C11orf42: variants seen among roughly 807,000 people sequenced by gnomAD.
C11orf42 encodes the protein chromosome 11 open reading frame 42, also known as uncharacterized protein C11orf42.
In C11orf42, 24 loss-of-function variants were observed where a neutral mutation model predicts 27.9. The observed-to-expected ratio is 0.86, with a 90% confidence interval of 0.62 to 1.21. The LOEUF (loss-of-function observed/expected upper bound fraction) is 1.21. Ranked by LOEUF, C11orf42 falls within the 50% of genes most tolerant of loss-of-function variation. The probability of loss-of-function intolerance (pLI) is 0.00; values close to 1 mark genes in which losing one functional copy is unlikely to be tolerated. For synonymous variants in C11orf42, 187 were observed against 180.8 expected (o/e 1.03, Z -0.28); for missense variants, 455 against 424.1 (o/e 1.07, Z -0.64).
chr11:6,206,146 A>T (rs2133761188), intron 1 of C11orf42, among the ~76,000 whole-genome samples: 1 of 152,316 alleles, frequency 6.6e-6, no homozygotes, highest in Middle Eastern at 3.4e-3. Context: ...AAAAACAAGG[A>T]GAGGAAAAAG....
intron 1 of C11orf42, among the ~76,000 whole-genome samples, chr11:6,208,300 T>C (rs1847002364): frequency 6.6e-6 from 1 of 152,120 alleles, no homozygotes; most frequent in South Asian, 2.1e-4. Flanking sequence ...CTACAAGAAC[T>C]ACCCCTTGCA....
rs146108977 is a variant in C11orf42 at position 6,211,036 on chromosome 11, C to T, written c.996C>T (p.Asp332=). The T allele has an allele frequency of 2.7e-5, 43 of 1,610,430 alleles. No homozygotes were observed. The Middle Eastern group carries it at 9.9e-4, about 37-fold the overall frequency. The change falls in exon 3 of 3, where the codon GAC becomes GAT. Residue 332 remains aspartate (D), a synonymous_variant. Coordinates refer to ENST00000316375, the MANE Select transcript of C11orf42 (RefSeq NM_173525.3). ...LQGLSSEFDS[D]D Reference sequence around the variant, plus strand: ...GTCTATCCTCAGAGTTCGACAGTGACGACTGAAGCTGAAGCAAAAGATTCC... The same window carrying T: ...GTCTATCCTCAGAGTTCGACAGTGATGACTGAAGCTGAAGCAAAAGATTCC...
intron 1 of C11orf42, among the ~76,000 whole-genome samples, chr11:6,209,147 G>A (rs576093970): frequency 5.1e-4 from 73 of 142,150 alleles, no homozygotes; most frequent in African/African-American, 1.8e-3. Flanking sequence ...CTGTACTCCA[G>A]CCTAGGCGAC....
intron 1 of C11orf42, among the ~76,000 whole-genome samples, chr11:6,206,977 A>C (rs1165348811): frequency 6.6e-6 from 1 of 152,226 alleles, no homozygotes; most frequent in Admixed American, 6.5e-5. Context: ...TTTACTGAAC[A>C]TATGGTAAAA....
chr11:6,205,769 G>A, intron 1 of C11orf42, 82 bp downstream of exon 1: 1 of 1,144,270 alleles, frequency 8.7e-7, no homozygotes, highest in Non-Finnish European at 1.3e-6. Context: ...AGGAAGGGGT[G>A]GGAAGTCTGA....
intron 1 of C11orf42, among the ~76,000 whole-genome samples, chr11:6,207,669 G>A (rs1351962261): frequency 1.3e-5 from 2 of 152,214 alleles, no homozygotes; most frequent in African/African-American, 4.8e-5. Context: ...GAGAAGGAAT[G>A]ATGGGAAACT....
chr11:6,210,137 C>A lies in C11orf42; in HGVS notation c.360C>A (p.Pro120=). 1 of 1,614,214 alleles carries A rather than the reference C, an allele frequency of 6.2e-7. No homozygotes were observed. The highest frequency in any genetic ancestry group is 8.5e-7 in the Non-Finnish European group (1 of 1,180,042). Reference sequence around the variant, plus strand: ...AGACGCGAATGTTGGATGGACAGCCCTGCAAGATCCGCCTACATATGGGTG... The same window carrying A: ...AGACGCGAATGTTGGATGGACAGCCATGCAAGATCCGCCTACATATGGGTG... ...YEETRMLDGQ[P]CKIRLHMGDL... Residue 120 remains proline (P), a synonymous_variant, in exon 2 of 3, where the codon CCC becomes CCA. Transcript: ENST00000316375. This position sits in a 1 kb window ranked among gnomAD's most constrained non-coding sequence, Gnocchi z 4.0.
At position 6,210,090 on chromosome 11, in the gene C11orf42, C is replaced by G; in HGVS notation, c.313C>G (p.Arg105Gly). 1 of 1,614,178 alleles carries G rather than the reference C, an allele frequency of 6.2e-7. No homozygotes were observed. The highest frequency in any genetic ancestry group is 2.2e-5 in the East Asian group (1 of 44,886). ...CACTCGGGAATACTCACCAAATGGC[C>G]GAGCAGAGAGAGCCTATGAAGAGAC... ...HCTREYSPNG[R>G]AERAYEETRM... is the part of the protein sequence containing the mutation. Residue 105 changes from arginine to glycine, a missense_variant, in exon 2 of 3, where the codon CGA (arginine) becomes GGA (glycine). Arg to Gly is a moderately radical substitution (Grantham distance 125). Coordinates refer to ENST00000316375, the MANE Select transcript of C11orf42 (RefSeq NM_173525.3). This position sits in a 1 kb window ranked among gnomAD's most constrained non-coding sequence, Gnocchi z 4.0.
Position 6,210,048 on chromosome 11 carries a change from G to A in C11orf42, c.271G>A (p.Gly91Ser). 6.2e-7 allele frequency: 1 copy of A among 1,614,232 alleles called. No homozygotes were observed. The highest frequency in any genetic ancestry group is 8.5e-7 in the Non-Finnish European group (1 of 1,180,050). ...PSLLEQAGSE[G>S]AFAHCTREYS... is the part of the protein sequence containing the mutation. ...CCTCCTGGAGCAGGCAGGATCTGAG[G>A]GTGCCTTCGCCCACTGCACTCGGGA... is the stretch of plus-strand genomic sequence containing the variant. Residue 91 changes from glycine to serine, a missense_variant, in exon 2 of 3, where the codon GGT (glycine) becomes AGT (serine). Gly to Ser is a moderately conservative substitution (Grantham distance 56). Transcript: ENST00000316375. The surrounding 1 kb of genome is among the most constrained non-coding windows in gnomAD (Gnocchi z 4.0).
At position 6,210,592 on chromosome 11, in the gene C11orf42, C is replaced by A; in HGVS notation, c.815C>A (p.Thr272Asn). The A allele has an allele frequency of 1.2e-6, 2 of 1,614,154 alleles. No individual in the cohort carries two copies. The highest frequency in any genetic ancestry group is 1.7e-6 in the Non-Finnish European group (2 of 1,180,022). Residue 272 changes from threonine to asparagine, a missense_variant, in exon 2 of 3, where the codon ACC becomes AAC. Transcript: ENST00000316375. The surrounding 1 kb of genome is among the most constrained non-coding windows in gnomAD (Gnocchi z 4.0). ...CAGGAAGGGCCAGAGGACAAACCCA[C>A]CAGATTCTCCTACAAGGGCCGAAAC... ...PPQEGPEDKP[T>N]RFSYKGRNPF...
chr11:6,209,103 G>C (rs949332570), intron 1 of C11orf42, among the ~76,000 whole-genome samples: 1 of 149,356 alleles, frequency 6.7e-6, no homozygotes, highest in Non-Finnish European at 1.5e-5. Flanking sequence ...TTGAACCCAG[G>C]AGGCAGAGGT....
intron 1 of C11orf42, among the ~76,000 whole-genome samples, chr11:6,208,181 G>GAAACAAAC (rs200016275): frequency 3.3e-5 from 5 of 151,528 alleles, no homozygotes; most frequent in African/African-American, 1.2e-4. Flanking sequence ...AGGCCATGAT[G>GAAACAAAC]AAACAAACAA....
At chr11:6,207,962 C>T (rs1328387212) in intron 1 of C11orf42, among the ~76,000 whole-genome samples, 1 of 152,136 alleles carries the variant, frequency 6.6e-6, no homozygotes, top group South Asian at 2.1e-4. Flanking sequence ...GAGTAGAGTA[C>T]AGCACTGTAA....
At chr11:6,208,149 T>C (rs1385277985) in intron 1 of C11orf42, among the ~76,000 whole-genome samples, 1 of 151,936 alleles carries the variant, frequency 6.6e-6, no homozygotes, top group African/African-American at 2.4e-5. Context: ...AAATAAACTT[T>C]CCAGGGTTAC....
rs1182712899 is a variant in C11orf42, at chr11:6,210,881, G to A, written c.872-31G>A. On this transcript the variant is annotated intron_variant, in intron 2 of 2. Coordinates refer to ENST00000316375, the MANE Select transcript of C11orf42 (RefSeq NM_173525.3). This position sits in a 1 kb window ranked among gnomAD's most constrained non-coding sequence, Gnocchi z 4.0. Reference sequence around the variant, plus strand: ...TAGGGGGGGAAAAGACCAGCCATGAGTCAAGCTGTGACTATCCCCAACCCT... The same window carrying A: ...TAGGGGGGGAAAAGACCAGCCATGAATCAAGCTGTGACTATCCCCAACCCT... 5.1e-6 allele frequency: 8 copies of A among 1,572,942 alleles called. No homozygotes were observed. Among genetic ancestry groups the A allele is most frequent in the Non-Finnish European group, 6.9e-6 (8 of 1,161,952 alleles).
intron 1 of C11orf42, among the ~76,000 whole-genome samples, chr11:6,206,965 A>G (rs968528967): frequency 1.3e-5 from 2 of 152,248 alleles, no homozygotes; most frequent in Admixed American, 1.3e-4. Flanking sequence ...AACCACGGAC[A>G]GTTTACTGAA....
rs769471328 is a variant in C11orf42, at chr11:6,211,079, G to T, written c.*37G>T. The stretch of plus-strand genomic sequence containing the variant: ...AAGATTCCGGGGGCAAAGCCCCCAA[G>T]ATCTGGCATAGGGGTACTGGTCTCT... On this transcript the variant is annotated 3_prime_UTR_variant, in exon 3 of 3. Transcript: ENST00000316375. The T allele has an allele frequency of 6.2e-7, 1 of 1,606,878 alleles. No individual in the cohort carries two copies. Among genetic ancestry groups the T allele is most frequent in the Non-Finnish European group, 8.5e-7 (1 of 1,178,056 alleles).
intron 1 of C11orf42, 64 bp downstream of exon 1, chr11:6,205,751 T>A (rs1316741145): frequency 7.5e-7 from 1 of 1,336,858 alleles, no homozygotes; most frequent in Non-Finnish European, 1.1e-6. Context: ...TCTCAGCAGC[T>A]TGTGAGTAGG....
intron 1 of C11orf42, among the ~76,000 whole-genome samples, chr11:6,209,378 T>A (rs1847015766): frequency 6.6e-6 from 1 of 152,074 alleles, no homozygotes; most frequent in Non-Finnish European, 1.5e-5. Flanking sequence ...TGTTCCTAAA[T>A]GTGCCCCCCT....
Sources: gnomAD v4.1 joint callset for allele counts (sites outside exome capture counted in the v4.1 genomes callset) on GRCh38, gnomAD v4.1.1 for gene constraint, Gnocchi (gnomAD v3.1) non-coding constraint, MANE v1.5 for transcripts, NCBI Gene and HGNC (gene_info 2026-07-23, HGNC 2026-07-21) for gene names.